Variants in ZNF644 observed in about 807,000 individuals in gnomAD.
ZNF644 encodes zinc finger protein 644.
In ZNF644, 20 loss-of-function variants were observed where a neutral mutation model predicts 108.0. The ratio of observed to expected loss-of-function variants is 0.19; its 90% CI spans 0.13 to 0.27. The LOEUF (loss-of-function observed/expected upper bound fraction) is 0.27. Ranked by LOEUF, ZNF644 falls within the 10% of genes least tolerant of loss-of-function variation. ZNF644 has a pLI of 1.00. For missense variants in ZNF644, 1,338 were observed against 1,548.9 expected, an observed-to-expected ratio of 0.86 and a Z score of 2.29; for synonymous variants, 542 against 539.1, an observed-to-expected ratio of 1.01 and a Z score of -0.08.
chr1:90,918,212 C>T (rs1570320425), intron 4 of ZNF644, 58 bp from the exon 5 acceptor site: 1 of 1,408,280 alleles, frequency 7.1e-7, no homozygotes, highest in Non-Finnish European at 1.0e-6. Flanking sequence ...TATACATACA[C>T]ACATATTTTT....
intron 4 of ZNF644, among the ~76,000 whole-genome samples, chr1:90,934,033 TAAC>T (rs1651054727): frequency 6.6e-6 from 1 of 152,192 alleles, no homozygotes; most frequent in South Asian, 2.1e-4. Flanking sequence ...GCAAGTATGG[TAAC>T]AATAATGATT....
chr1:90,924,860 T>A lies in ZNF644; in HGVS notation c.3689-6706A>T, dbSNP rs543360532. Among the ~76,000 whole-genome samples, 5 of 152,094 alleles carry A rather than the reference T, an allele frequency of 3.3e-5. No homozygotes were observed. In the South Asian group the frequency reaches 1.0e-3, roughly 32 times the overall value. ...TAGGCATACCAAAAAAAAAAGTAAA[T>A]TCTACTTTTCTACTTTTTTCTACTT... On this transcript the variant is annotated intron_variant, in intron 4 of 5. Transcript: ENST00000337393.
intron 2 of ZNF644, among the ~76,000 whole-genome samples, chr1:90,970,328 G>A (rs557122687): frequency 9.9e-5 from 15 of 152,114 alleles, no homozygotes; most frequent in African/African-American, 3.4e-4. Context: ...CTTTCTTGTC[G>A]CTGAGAAAAT....
intron 1 of ZNF644, among the ~76,000 whole-genome samples, chr1:91,007,455 C>A (rs1320175184): frequency 1.3e-5 from 2 of 151,888 alleles, no homozygotes; most frequent in African/African-American, 4.8e-5. Context: ...CTCAGGTGAT[C>A]CGCCCACCTC....
Position 90,940,127 on chromosome 1 carries a change from G to A in ZNF644, c.1227C>T (p.Phe409=), listed in dbSNP as rs376699430. Residue 409 remains phenylalanine, a synonymous_variant, in exon 3 of 6, where the codon TTC becomes TTT. Transcript: ENST00000337393. ...TCACATTGCACTTTGTACAGGGGTA[G>A]AATGATGGCTCTTCGGTACTGAAAG... ...PATFSTEEPS[F]YPCTKCNVNF... 8.1e-6 allele frequency: 13 copies of A among 1,613,952 alleles called. No individual in the cohort carries two copies. Among genetic ancestry groups the A allele is most frequent in the Non-Finnish European group, 1.1e-5 (13 of 1,179,976 alleles).
intron 4 of ZNF644, among the ~76,000 whole-genome samples, chr1:90,922,786 G>A (rs1166775654): frequency 6.6e-6 from 1 of 151,766 alleles, no homozygotes; most frequent in African/African-American, 2.4e-5. Flanking sequence ...CCTTCTTTGT[G>A]TCCATGTGTT....
At chr1:90,944,926 G>A (rs1429570860) in intron 2 of ZNF644, among the ~76,000 whole-genome samples, 3 of 152,122 alleles carry the variant, frequency 2.0e-5, no homozygotes, top group Admixed American at 6.5e-5. Flanking sequence ...CTGAATAATT[G>A]ATACAGAATT....
chr1:90,945,341 C>T (rs1469988879), intron 2 of ZNF644, among the ~76,000 whole-genome samples: 4 of 151,980 alleles, frequency 2.6e-5, no homozygotes, highest in African/African-American at 9.7e-5. Flanking sequence ...TAAAAAGCTG[C>T]AAACAGAACT....
At chr1:91,003,792 A>C (rs1260425537) in intron 1 of ZNF644, among the ~76,000 whole-genome samples, 1 of 152,212 alleles carries the variant, frequency 6.6e-6, no homozygotes, top group Non-Finnish European at 1.5e-5. Context: ...AGGACTGACT[A>C]AACAAGACAA....
At chr1:90,950,135 G>C (rs1015153890) in intron 2 of ZNF644, among the ~76,000 whole-genome samples, 5 of 150,622 alleles carry the variant, frequency 3.3e-5, no homozygotes, top group Non-Finnish European at 5.9e-5. Context: ...AAAATTCGCA[G>C]GGTGTGGTGC....
rs534605956 is a variant in ZNF644, at chr1:91,008,925, C to T, written c.-18+13065G>A. ...GTGTACCCAAAGCTGGAAAGGACTT[C>T]ATCAGTACTGACCATCAGAATTAAA... is the stretch of plus-strand genomic sequence containing the variant. On this transcript the variant is annotated intron_variant, in intron 1 of 5. Coordinates refer to ENST00000337393, the MANE Select transcript of ZNF644 (RefSeq NM_201269.3). Among the ~76,000 whole-genome samples the T allele has an allele frequency of 3.3e-5, 5 of 152,248 alleles. No individual in the cohort carries two copies. The South Asian group carries it at 1.0e-3, about 32-fold the overall frequency.
intron 2 of ZNF644, among the ~76,000 whole-genome samples, chr1:90,963,830 A>G (rs1319106722): frequency 1.3e-5 from 2 of 152,042 alleles, no homozygotes; most frequent in African/African-American, 4.8e-5. Context: ...GCAGTATTCT[A>G]TTTCTCGATC....
At position 90,937,947 on chromosome 1, in the gene ZNF644, T is replaced by C. The variant is rs777816373; in HGVS notation, c.3226A>G (p.Ile1076Val). Residue 1076 changes from isoleucine (I) to valine (V), a missense_variant, in exon 4 of 6, where the codon ATC (isoleucine) becomes GTC (valine). This residue lies in a region of ZNF644 where 287 missense variants were observed against 310.9 expected (regional missense o/e 0.92). Coordinates refer to ENST00000337393, the MANE Select transcript of ZNF644 (RefSeq NM_201269.3). ...KTKWDAHKSP[I>V]CVLNEMMQNE... Reference sequence around the variant, plus strand: ...TGCATCATCTCATTCAGAACACAGATTGGAGATTTGTGAGCATCCCATTTC... The same window carrying C: ...TGCATCATCTCATTCAGAACACAGACTGGAGATTTGTGAGCATCCCATTTC... The C allele has an allele frequency of 2.5e-6, 4 of 1,613,284 alleles. No individual in the cohort carries two copies. Among genetic ancestry groups the C allele is most frequent in the African/African-American group, 1.3e-5 (1 of 74,886 alleles).
chr1:90,939,046 T>C lies in ZNF644; in HGVS notation c.2308A>G (p.Asn770Asp). The change falls in exon 3 of 6, where the codon AAT (asparagine) becomes GAT (aspartate). Residue 770 changes from asparagine to aspartate, a missense_variant. Asn to Asp is a conservative substitution (Grantham distance 23). This residue lies in a region of ZNF644 where 462 missense variants were observed against 472.6 expected (regional missense o/e 0.98). Coordinates refer to ENST00000337393, the MANE Select transcript of ZNF644 (RefSeq NM_201269.3). ...HFKKEEASSLNSLHLFSSSSN... is the reference protein window; with the variant it reads ...HFKKEEASSLDSLHLFSSSSN... ...GATGATGAAAACAGGTGTAAAGAAT[T>C]TAATGAACTAGCTTCTTCTTTTTTG... 1 of 1,614,018 alleles carries C rather than the reference T, an allele frequency of 6.2e-7. No individual in the cohort carries two copies. Among genetic ancestry groups the C allele is most frequent in the Non-Finnish European group, 8.5e-7 (1 of 1,179,920 alleles).
At chr1:90,949,107 G>C (rs1335072932) in intron 2 of ZNF644, among the ~76,000 whole-genome samples, 2 of 151,826 alleles carry the variant, frequency 1.3e-5, no homozygotes, top group Non-Finnish European at 2.9e-5. Flanking sequence ...ACAAATTTCT[G>C]TAAATCTGTA....
Position 90,915,456 on chromosome 1 carries a change from T to C in ZNF644, c.*1342A>G, listed in dbSNP as rs1648667600. On this transcript the variant is annotated 3_prime_UTR_variant, in exon 6 of 6. Transcript: ENST00000337393. ...CTTTATTTACATACGAAGCAAAGAATCAATGCATATCCTTGGTTCAACTAT... is the reference window on the plus strand; with the variant it reads ...CTTTATTTACATACGAAGCAAAGAACCAATGCATATCCTTGGTTCAACTAT... 6.6e-6 allele frequency: 1 copy of C among 152,570 alleles called. No individual in the cohort carries two copies. The highest frequency in any genetic ancestry group is 1.5e-5 in the Non-Finnish European group (1 of 67,996). 9.5% of individuals were successfully genotyped at this position (152,570 alleles called of 1,614,324 possible). A position where few individuals can be genotyped will look rare whatever the true frequency, so the allele number is the denominator to read the frequency against.
intron 2 of ZNF644, among the ~76,000 whole-genome samples, chr1:90,966,591 A>T (rs942510858): frequency 1.3e-5 from 2 of 151,942 alleles, no homozygotes; most frequent in African/African-American, 4.8e-5. Context: ...CTCTATTAAA[A>T]ATATAAAAAT....
chr1:90,974,890 A>G (rs1655842684), intron 2 of ZNF644, among the ~76,000 whole-genome samples: 1 of 152,136 alleles, frequency 6.6e-6, no homozygotes, highest in Non-Finnish European at 1.5e-5. Flanking sequence ...TAATCTCTTG[A>G]GACTAGCCAC....
At chr1:90,999,631 A>G (rs1026951794) in intron 1 of ZNF644, among the ~76,000 whole-genome samples, 1 of 152,206 alleles carries the variant, frequency 6.6e-6, no homozygotes, top group African/African-American at 2.4e-5. Flanking sequence ...TGCATCAACT[A>G]ATGAGCAAAA....
Sources: allele counts gnomAD v4.1 joint callset (sites outside exome capture counted in the v4.1 genomes callset), GRCh38; gene constraint gnomAD v4.1.1; regional missense constraint gnomAD v4.1.1; transcripts MANE v1.5; gene names NCBI Gene and HGNC (gene_info 2026-07-23, HGNC 2026-07-21).